ADAM23: variants seen among roughly 807,000 people sequenced by gnomAD.
ADAM23 encodes disintegrin and metalloproteinase domain-containing protein 23.
In ADAM23, 33 loss-of-function variants were observed where a neutral mutation model predicts 120.1. The ratio of observed to expected loss-of-function variants is 0.27; its 90% CI spans 0.21 to 0.37. The LOEUF (loss-of-function observed/expected upper bound fraction) is 0.37. Among genes scored for constraint, ADAM23 ranks in the 10% least tolerant of loss-of-function variants. The probability of loss-of-function intolerance (pLI) is 1.00; values close to 1 mark genes in which losing one functional copy is unlikely to be tolerated. For synonymous variants in ADAM23, 367 were observed against 375.2 expected (o/e 0.98, Z 0.25); for missense variants, 862 against 1,058.2 (o/e 0.81, Z 2.57).
chr2:206,495,307 AG>A (rs1696218934), intron 3 of ADAM23, among the ~76,000 whole-genome samples: 1 of 151,850 alleles, frequency 6.6e-6, no homozygotes, highest in South Asian at 2.1e-4. Context: ...ATCTCTCGGC[AG>A]AAACTCTACA....
At chr2:206,571,692 G>T (rs751140345) in intron 16 of ADAM23, 35 bp from the exon 17 acceptor site, 1 of 1,519,370 alleles carries the variant, frequency 6.6e-7, no homozygotes, top group Admixed American at 1.7e-5. Context: ...AGCAGGTAAG[G>T]CTCTTCGCTT....
At chr2:206,528,586 C>T (rs995066744) in intron 3 of ADAM23, among the ~76,000 whole-genome samples, 1 of 152,186 alleles carries the variant, frequency 6.6e-6, no homozygotes, top group African/African-American at 2.4e-5. Context: ...TGGTGCTCAA[C>T]ACCCCTTTCC....
chr2:206,460,105 C>CTT (rs34090725), intron 2 of ADAM23, among the ~76,000 whole-genome samples: 4 of 146,450 alleles, frequency 2.7e-5, no homozygotes, highest in African/African-American at 5.0e-5. Flanking sequence ...CTCAGAATGA[C>CTT]TTTTTTTTTT....
intron 9 of ADAM23, among the ~76,000 whole-genome samples, chr2:206,555,446 C>T (rs1253731539): frequency 6.6e-6 from 1 of 152,148 alleles, no homozygotes; most frequent in African/African-American, 2.4e-5. Context: ...GTTGTTTAGC[C>T]TCCATTATCT....
chr2:206,553,732 G>A lies in ADAM23; in HGVS notation c.933+3572G>A, dbSNP rs145861607. 2.4e-4 allele frequency among the ~76,000 whole-genome samples: 37 copies of A among 152,158 alleles called. No homozygotes were observed. The East Asian group carries it at 6.4e-3, about 26-fold the overall frequency. ...GTATATCAGAACTTACTGGATCAAA[G>A]TACTTAAATTCACATGTTGAAAGTC... is the stretch of plus-strand genomic sequence containing the variant. On this transcript the variant is annotated intron_variant, in intron 9 of 25. Coordinates refer to ENST00000264377, the MANE Select transcript of ADAM23 (RefSeq NM_003812.4).
chr2:206,455,421 G>A (rs902047096), intron 2 of ADAM23, among the ~76,000 whole-genome samples: 1 of 152,188 alleles, frequency 6.6e-6, no homozygotes, highest in Non-Finnish European at 1.5e-5. Flanking sequence ...CCTATGATGG[G>A]AGGGGCTGCC....
chr2:206,504,297 A>G (rs894763222), intron 3 of ADAM23, among the ~76,000 whole-genome samples: 1 of 152,070 alleles, frequency 6.6e-6, no homozygotes, highest in African/African-American at 2.4e-5. Context: ...AGGCTTTGTG[A>G]CTGTTTTCTT....
At chr2:206,462,577 G>C (rs911783172) in intron 2 of ADAM23, among the ~76,000 whole-genome samples, 5 of 152,110 alleles carry the variant, frequency 3.3e-5, no homozygotes, top group South Asian at 4.1e-4. Context: ...GGGACTTAGG[G>C]TTAGAATTCT....
chr2:206,616,368 A>G (rs1036596420), intron 25 of ADAM23, among the ~76,000 whole-genome samples: 6 of 152,244 alleles, frequency 3.9e-5, no homozygotes, highest in Admixed American at 6.5e-5. Context: ...GTTGGCTGCA[A>G]TGGTTACCTG....
At chr2:206,460,673 T>A (rs1231748876) in intron 2 of ADAM23, among the ~76,000 whole-genome samples, 1 of 152,236 alleles carries the variant, frequency 6.6e-6, no homozygotes, top group Non-Finnish European at 1.5e-5. Flanking sequence ...AAATATTTTC[T>A]CCCATTCTAT....
At chr2:206,532,135 G>A (rs1010788130) in intron 4 of ADAM23, among the ~76,000 whole-genome samples, 3 of 152,100 alleles carry the variant, frequency 2.0e-5, no homozygotes, top group Non-Finnish European at 2.9e-5. Context: ...AATCAAGCGC[G>A]GGAACAAGCT....
chr2:206,455,043 G>T (rs555108935), intron 2 of ADAM23, among the ~76,000 whole-genome samples: 1 of 152,242 alleles, frequency 6.6e-6, no homozygotes, highest in Non-Finnish European at 1.5e-5. Flanking sequence ...TGGGGACTGT[G>T]TATGGAAGCT....
At chr2:206,572,152 C>T (rs1234179978) in intron 17 of ADAM23, among the ~76,000 whole-genome samples, 1 of 152,054 alleles carries the variant, frequency 6.6e-6, no homozygotes, top group Non-Finnish European at 1.5e-5. Flanking sequence ...AATAATATGA[C>T]CTACTTATAA....
At chr2:206,534,079 C>T (rs1697126281) in intron 4 of ADAM23, among the ~76,000 whole-genome samples, 1 of 152,034 alleles carries the variant, frequency 6.6e-6, no homozygotes, top group Non-Finnish European at 1.5e-5. Context: ...TTTAGTATAT[C>T]TACAGAATTG....
At chr2:206,461,131 T>C (rs1968272) in intron 2 of ADAM23, among the ~76,000 whole-genome samples, 123,708 of 148,970 alleles carry the variant, frequency 0.83, 51,558 homozygotes, top group African/African-American at 0.89. Context: ...GGAGTGATCT[T>C]GGCTCACTGC....
intron 2 of ADAM23, among the ~76,000 whole-genome samples, chr2:206,459,558 A>G (rs1921673): frequency 0.69 from 105,057 of 152,130 alleles, 36,809 homozygotes; most frequent in African/African-American, 0.76. Context: ...CTTGTATGAA[A>G]CACTTGTTTG....
At chr2:206,554,559 AT>A (rs1045797397) in intron 9 of ADAM23, among the ~76,000 whole-genome samples, 3 of 152,190 alleles carry the variant, frequency 2.0e-5, no homozygotes, top group Non-Finnish European at 4.4e-5. Context: ...AAACCACTAC[AT>A]TTTATATACA....
chr2:206,518,031 TGTGA>T (rs932638599), intron 3 of ADAM23, among the ~76,000 whole-genome samples: 1 of 152,202 alleles, frequency 6.6e-6, no homozygotes, highest in Non-Finnish European at 1.5e-5. Context: ...ACTTTGTGAA[TGTGA>T]GTAAGATAGT....
At chr2:206,505,694 G>GCCCT (rs1696483316) in intron 3 of ADAM23, among the ~76,000 whole-genome samples, 1 of 152,146 alleles carries the variant, frequency 6.6e-6, no homozygotes, top group South Asian at 2.1e-4. Flanking sequence ...TTTCCACAAG[G>GCCCT]CCCTACCTTC....
Sources: gnomAD v4.1 joint callset for allele counts (sites outside exome capture counted in the v4.1 genomes callset) on GRCh38, gnomAD v4.1.1 for gene constraint, MANE v1.5 for transcripts, NCBI Gene and HGNC (gene_info 2026-07-23, HGNC 2026-07-21) for gene names.